The following NPAS3 variants were observed in gnomAD, a reference collection of about 807,000 sequenced individuals.
NPAS3 encodes neuronal PAS domain-containing protein 3.
In NPAS3, 14 loss-of-function variants were observed where a neutral mutation model predicts 73.1. The ratio of observed to expected loss-of-function variants is 0.19; its 90% CI spans 0.13 to 0.30. NPAS3 has a LOEUF of 0.30. NPAS3 is among the 10% of genes least tolerant of loss of function. The pLI is 1.00. For synonymous variants in NPAS3, 620 were observed against 541.5 expected (o/e 1.14, Z -2.01); for missense variants, 1,096 against 1,250.0 (o/e 0.88, Z 1.86).
chr14:32,998,540 A>T lies in NPAS3; in HGVS notation c.51-57365A>T, dbSNP rs550078748. 2.0e-5 allele frequency among the ~76,000 whole-genome samples: 3 copies of T among 152,290 alleles called. No individual in the cohort carries two copies. The South Asian group carries it at 6.2e-4, about 32-fold the overall frequency. ...GTTGTATCATGTGAATTTCACTTCA[A>T]TTAAAACAATTCAACAAACTTTCAC... is the stretch of plus-strand genomic sequence containing the variant. On this transcript the variant is annotated intron_variant, in intron 1 of 11. Transcript: ENST00000356141.
chr14:33,217,824 C>T (rs560500794), intron 3 of NPAS3, among the ~76,000 whole-genome samples: 6 of 152,270 alleles, frequency 3.9e-5, no homozygotes, highest in Non-Finnish European at 5.9e-5. Flanking sequence ...TAAGTGGAAA[C>T]GACTTTGCAA....
chr14:33,557,192 G>A (rs1434793482), intron 4 of NPAS3, among the ~76,000 whole-genome samples: 2 of 152,082 alleles, frequency 1.3e-5, no homozygotes, highest in South Asian at 2.1e-4. Context: ...ACATCCCTGC[G>A]CTTGAAAGGC....
intron 1 of NPAS3, among the ~76,000 whole-genome samples, chr14:32,969,741 A>G (rs1385006344): frequency 6.6e-6 from 1 of 152,210 alleles, no homozygotes; most frequent in Non-Finnish European, 1.5e-5. Context: ...ACTTTGTAAA[A>G]ATCCTGGCCT....
intron 1 of NPAS3, among the ~76,000 whole-genome samples, chr14:33,053,616 G>A (rs993912696): frequency 6.6e-5 from 10 of 152,184 alleles, no homozygotes; most frequent in African/African-American, 2.2e-4. Flanking sequence ...ATAACATATT[G>A]TAGCAAGAAA....
At chr14:33,229,438 A>G (rs2047759249) in intron 3 of NPAS3, among the ~76,000 whole-genome samples, 1 of 152,204 alleles carries the variant, frequency 6.6e-6, no homozygotes, top group African/African-American at 2.4e-5. Flanking sequence ...TCGAGTGGCC[A>G]CAGTTCAAGC....
intron 5 of NPAS3, among the ~76,000 whole-genome samples, chr14:33,670,525 G>A (rs553032821): frequency 7.9e-5 from 12 of 151,848 alleles, no homozygotes; most frequent in African/African-American, 1.5e-4. Context: ...TTAAGATACC[G>A]GTAAATCCAA....
intron 4 of NPAS3, among the ~76,000 whole-genome samples, chr14:33,433,751 C>A (rs755445863): frequency 6.6e-6 from 1 of 152,134 alleles, no homozygotes; most frequent in South Asian, 2.1e-4. Flanking sequence ...TGGAGTTAAG[C>A]CCTAACTCTA....
chr14:33,141,415 A>G (rs1018957790), intron 2 of NPAS3, among the ~76,000 whole-genome samples: 1 of 152,194 alleles, frequency 6.6e-6, no homozygotes, highest in Non-Finnish European at 1.5e-5. Flanking sequence ...GACTTCCTCC[A>G]TGATTATCAA....
intron 4 of NPAS3, among the ~76,000 whole-genome samples, chr14:33,536,646 T>A (rs999310980): frequency 2.6e-5 from 4 of 151,448 alleles, no homozygotes; most frequent in African/African-American, 9.8e-5. Flanking sequence ...TGTTGCCCAT[T>A]TGAGAACTGG....
chr14:33,040,082 T>C (rs2040302210), intron 1 of NPAS3, among the ~76,000 whole-genome samples: 1 of 152,182 alleles, frequency 6.6e-6, no homozygotes. Context: ...CTCCAGTGAA[T>C]TTTATTAATG....
intron 6 of NPAS3, among the ~76,000 whole-genome samples, chr14:33,694,907 T>C (rs2140424502): frequency 6.6e-6 from 1 of 152,332 alleles, no homozygotes; most frequent in South Asian, 2.1e-4. Flanking sequence ...TAGAAGCCTC[T>C]TTGTAGCTTC....
At position 33,779,285 on chromosome 14, in the gene NPAS3, A is replaced by G. The variant is rs1595599008; in HGVS notation, c.1153+713A>G. Among the ~76,000 whole-genome samples the G allele has an allele frequency of 3.3e-5, 5 of 152,334 alleles. 1 individual carries two copies. The highest frequency in any genetic ancestry group is 3.3e-4 in the Admixed American group (5 of 15,302). On this transcript the variant is annotated intron_variant, in intron 9 of 11. Transcript: ENST00000356141. ...GTGTGGCTGGCTCCAGCAACACACC[A>G]GCAGAACCATGCAGGACCCCGCATC...
intron 3 of NPAS3, among the ~76,000 whole-genome samples, chr14:33,240,405 T>A (rs1435219968): frequency 6.6e-6 from 1 of 151,960 alleles, no homozygotes; most frequent in East Asian, 1.9e-4. Flanking sequence ...TTATATTTCA[T>A]GTACCTCTCT....
chr14:33,539,925 C>G (rs74925288), intron 4 of NPAS3, among the ~76,000 whole-genome samples: 2,356 of 152,264 alleles, frequency 0.015, 76 homozygotes, highest in African/African-American at 0.054. Context: ...TTTAAATTTC[C>G]TCAAACTTGA....
intron 2 of NPAS3, among the ~76,000 whole-genome samples, chr14:33,093,825 A>C (rs2042313488): frequency 6.6e-6 from 1 of 152,156 alleles, no homozygotes; most frequent in South Asian, 2.1e-4. Flanking sequence ...TGTAGGGACA[A>C]GGATGAAGCT....
At chr14:32,945,150 A>T (rs2036198277) in intron 1 of NPAS3, among the ~76,000 whole-genome samples, 1 of 152,210 alleles carries the variant, frequency 6.6e-6, no homozygotes, top group East Asian at 1.9e-4. Context: ...TCATAGAAAT[A>T]TAAGGCTTTC....
intron 1 of NPAS3, among the ~76,000 whole-genome samples, chr14:32,945,362 G>A (rs2036208628): frequency 6.6e-6 from 1 of 152,124 alleles, no homozygotes; most frequent in South Asian, 2.1e-4. Context: ...TATATACGAT[G>A]ATGATTATAT....
chr14:33,195,045 ATAAT>A lies in NPAS3; in HGVS notation c.141-20135_141-20132del, dbSNP rs528784206. On this transcript the variant is annotated intron_variant, in intron 2 of 11. Coordinates refer to ENST00000356141, the Ensembl canonical transcript of NPAS3. ...AAGTACTGGTGTGGACTAGATACAG[ATAAT>A]TGATTGATTTGGATTTAGCTTGATG... 6.0e-5 allele frequency among the ~76,000 whole-genome samples: 9 copies of A among 148,994 alleles called. No homozygotes were observed. In the East Asian group the frequency reaches 1.6e-3, roughly 27 times the overall value.
At chr14:33,436,389 C>G (rs1235442137) in intron 4 of NPAS3, among the ~76,000 whole-genome samples, 5 of 152,100 alleles carry the variant, frequency 3.3e-5, no homozygotes, top group Non-Finnish European at 7.4e-5. Context: ...TTTCAACACA[C>G]CTTTAAACCT....
Sources: allele counts gnomAD v4.1 joint callset (sites outside exome capture counted in the v4.1 genomes callset), GRCh38; gene constraint gnomAD v4.1.1; transcripts MANE v1.5; gene names NCBI Gene and HGNC (gene_info 2026-07-23, HGNC 2026-07-21).